CASC3: variants seen among roughly 807,000 people sequenced by gnomAD.
The protein encoded by CASC3 is CASC3 exon junction complex subunit, also known as protein CASC3.
A neutral mutation model predicts 80.5 loss-of-function variants in CASC3; 30 were observed. That is an observed-to-expected ratio of 0.37 (90% CI 0.28 to 0.51). The LOEUF is 0.51. Among genes scored for constraint, CASC3 ranks in the 20% least tolerant of loss-of-function variants. CASC3 has a pLI of 0.94. For missense variants in CASC3, 824 were observed against 922.2 expected (o/e 0.89, Z 1.38); for synonymous variants, 312 against 333.6 (o/e 0.94, Z 0.70).
At chr17:40,157,683 A>G (rs1380842842) in intron 3 of CASC3, among the ~76,000 whole-genome samples, 3 of 152,138 alleles carry the variant, frequency 2.0e-5, no homozygotes, top group Non-Finnish European at 4.4e-5. Flanking sequence ...TCCAAAATAA[A>G]TAAATAATAA....
intron 3 of CASC3, among the ~76,000 whole-genome samples, chr17:40,142,182 A>G (rs1988735103): frequency 6.6e-6 from 1 of 152,210 alleles, no homozygotes. Context: ...TGGATGGTGG[A>G]TCAAAGATTT....
rs1439029399 is a variant in CASC3, at chr17:40,161,817, A to G, written c.362A>G (p.Asp121Gly). 6.2e-7 allele frequency: 1 copy of G among 1,614,134 alleles called. No individual in the cohort carries two copies. The highest frequency in any genetic ancestry group is 8.5e-7 in the Non-Finnish European group (1 of 1,179,984). The change falls in exon 4 of 14, where the codon GAT becomes GGT. Residue 121 changes from aspartate to glycine, a missense_variant. Coordinates refer to ENST00000264645, the MANE Select transcript of CASC3 (RefSeq NM_007359.5). ...SKVELKSEAN[D>G]AVNSSTKEEK... ...GTGGAGCTGAAATCAGAAGCTAATG[A>G]TGCTGTTAATTCTTCAACAAAAGAA...
chr17:40,154,341 A>G lies in CASC3; in HGVS notation c.298-7412A>G, dbSNP rs189108064. Among the ~76,000 whole-genome samples the G allele has an allele frequency of 3.5e-3, 537 of 151,912 alleles. 2 individuals are homozygous for G. The highest frequency in any genetic ancestry group is 0.012 in the African/African-American group (509 of 41,454). On this transcript the variant is annotated intron_variant, in intron 3 of 13. Coordinates refer to ENST00000264645, the MANE Select transcript of CASC3 (RefSeq NM_007359.5). ...GTTGAGACTATAGGCATCAGCCACC[A>G]CACTTGATCTTTGCCCAAAGTAGCT...
At position 40,163,645 on chromosome 17, in the gene CASC3, G is replaced by C. The variant is rs774789844; in HGVS notation, c.950G>C (p.Gly317Ala). The change falls in exon 7 of 14, where the codon GGG (glycine) becomes GCG (alanine). Residue 317 changes from glycine to alanine, a missense_variant. Coordinates refer to ENST00000264645, the MANE Select transcript of CASC3 (RefSeq NM_007359.5). The stretch of plus-strand genomic sequence containing the variant: ...GCACCCAGGAATTATTCTCGATCTG[G>C]GGGCTTCAAGGAAGGTCGTGCTGGT... ...MSAPRNYSRSGGFKEGRAGFR... is the reference protein window; with the variant it reads ...MSAPRNYSRSAGFKEGRAGFR... 1.9e-6 allele frequency: 3 copies of C among 1,614,146 alleles called. No homozygotes were observed. Among genetic ancestry groups the C allele is most frequent in the Non-Finnish European group, 2.5e-6 (3 of 1,180,012 alleles).
chr17:40,145,769 T>C (rs1443945500), intron 3 of CASC3, among the ~76,000 whole-genome samples: 1 of 152,068 alleles, frequency 6.6e-6, no homozygotes, highest in East Asian at 1.9e-4. Flanking sequence ...TTTTTAAAAA[T>C]TTTTATTTAC....
chr17:40,141,880 C>G (rs1598417951), intron 3 of CASC3, among the ~76,000 whole-genome samples: 1 of 152,162 alleles, frequency 6.6e-6, no homozygotes, highest in South Asian at 2.1e-4. Context: ...GTGAGGATAT[C>G]TTGAAGTCCT....
Position 40,168,388 on chromosome 17 carries a change from C to A in CASC3, c.1936C>A (p.Pro646Thr). ...PYAPGALPPP[P>T]PPHLYPNTQA... ...TGCTCCAGGGGCACTGCCTCCCCCA[C>A]CACCGCCTCATCTGTATCCTAATAC... The change falls in exon 11 of 14, where the codon CCA becomes ACA. Residue 646 changes from proline to threonine, a missense_variant. This residue lies in a region of CASC3 where 464 missense variants were observed against 506.0 expected (regional missense o/e 0.92). Coordinates refer to ENST00000264645, the MANE Select transcript of CASC3 (RefSeq NM_007359.5). 1 of 1,614,078 alleles carries A rather than the reference C, an allele frequency of 6.2e-7. No individual in the cohort carries two copies. The highest frequency in any genetic ancestry group is 8.5e-7 in the Non-Finnish European group (1 of 1,179,990).
chr17:40,154,674 C>A (rs1989101698), intron 3 of CASC3, among the ~76,000 whole-genome samples: 1 of 152,054 alleles, frequency 6.6e-6, no homozygotes, highest in Non-Finnish European at 1.5e-5. Context: ...CTTTCAAGGA[C>A]AAAGGTTTTA....
chr17:40,148,425 C>T (rs1319102742), intron 3 of CASC3, among the ~76,000 whole-genome samples: 3 of 151,712 alleles, frequency 2.0e-5, no homozygotes, highest in African/African-American at 7.3e-5. Flanking sequence ...AGTGCAGTGG[C>T]GCAATCTCAG....
chr17:40,145,151 G>A (rs1297014603), intron 3 of CASC3, among the ~76,000 whole-genome samples: 1 of 150,548 alleles, frequency 6.6e-6, no homozygotes, highest in Non-Finnish European at 1.5e-5. Flanking sequence ...ATGAGCCACC[G>A]TGCCCCCCAT....
chr17:40,168,325 C>G lies in CASC3; in HGVS notation c.1873C>G (p.Pro625Ala), dbSNP rs201644180. ...GCTTGCTCCTACTTACTTTTCTGCT[C>G]CAGGCGTCATGAACTTTGGTAATCC... ...QLLAPTYFSA[P>A]GVMNFGNPSY... The change falls in exon 11 of 14, where the codon CCA becomes GCA. Residue 625 changes from proline (P) to alanine (A), a missense_variant. Physicochemically the swap from Pro to Ala is conservative, Grantham distance 27 (BLOSUM62 -1). Coordinates refer to ENST00000264645, the MANE Select transcript of CASC3 (RefSeq NM_007359.5). 14 of 1,614,104 alleles carry G rather than the reference C, an allele frequency of 8.7e-6. No homozygotes were observed. The highest frequency in any genetic ancestry group is 2.2e-5 in the East Asian group (1 of 44,880).
intron 3 of CASC3, among the ~76,000 whole-genome samples, chr17:40,146,596 C>G (rs1441623533): frequency 6.6e-6 from 1 of 151,904 alleles, no homozygotes; most frequent in Non-Finnish European, 1.5e-5. Context: ...GCCACCATGC[C>G]TGGCTGATTT....
intron 3 of CASC3, among the ~76,000 whole-genome samples, chr17:40,155,421 T>C (rs565712777): frequency 6.6e-6 from 1 of 152,282 alleles, no homozygotes; most frequent in Admixed American, 6.5e-5. Flanking sequence ...CACGCTCAGC[T>C]AATTATATTT....
At chr17:40,140,840 G>A in intron 1 of CASC3, 61 bp downstream of exon 1, 1 of 1,094,328 alleles carries the variant, frequency 9.1e-7, no homozygotes, top group Non-Finnish European at 1.3e-6. Context: ...GGGGCGGGGT[G>A]TAGGTGATGC....
At chr17:40,167,238 C>T (rs762745888) in intron 8 of CASC3, 22 of 543,416 alleles carry the variant, frequency 4.0e-5, no homozygotes, top group Non-Finnish European at 3.6e-5. Flanking sequence ...GGATTACAGG[C>T]ATGAGCCACC....
Position 40,164,058 on chromosome 17 carries a change from G to A in CASC3, c.1363G>A (p.Val455Met), listed in dbSNP as rs747696464. 1 of 1,613,956 alleles carries A rather than the reference G, an allele frequency of 6.2e-7. No individual in the cohort carries two copies. The highest frequency in any genetic ancestry group is 8.5e-7 in the Non-Finnish European group (1 of 1,180,032). Reference protein sequence around the residue: ...PTKTGTWEAPVDSSTSGLEQD... With the variant: ...PTKTGTWEAPMDSSTSGLEQD... ...TAAGACTGGGACCTGGGAAGCTCCGGTGGATTCTAGTACAAGTGGACTTGA... is the reference window on the plus strand; with the variant it reads ...TAAGACTGGGACCTGGGAAGCTCCGATGGATTCTAGTACAAGTGGACTTGA... The change falls in exon 7 of 14, where the codon GTG becomes ATG. Residue 455 changes from valine to methionine, a missense_variant. By Grantham distance (21) the Val-to-Met change is conservative. Coordinates refer to ENST00000264645, the MANE Select transcript of CASC3 (RefSeq NM_007359.5).
chr17:40,162,367 ATCT>A, intron 5 of CASC3, among the ~76,000 whole-genome samples: 1 of 152,302 alleles, frequency 6.6e-6, no homozygotes, highest in East Asian at 1.9e-4. Context: ...TCCAGAACTC[ATCT>A]TCTCTTAATT....
intron 3 of CASC3, among the ~76,000 whole-genome samples, chr17:40,159,076 A>G (rs1403253979): frequency 1.3e-5 from 2 of 152,082 alleles, no homozygotes; most frequent in African/African-American, 4.8e-5. Context: ...TCTCTACAAA[A>G]AATACAAAAA....
chr17:40,141,048 C>G, intron 1 of CASC3, 159 bp from the exon 2 acceptor site: 1 of 715,440 alleles, frequency 1.4e-6, no homozygotes, highest in East Asian at 2.6e-5. Context: ...GGAAGGAGAC[C>G]AGACCTGCCT....
Sources: allele counts gnomAD v4.1 joint callset (sites outside exome capture counted in the v4.1 genomes callset), GRCh38; gene constraint gnomAD v4.1.1; regional missense constraint gnomAD v4.1.1; transcripts MANE v1.5; gene names NCBI Gene and HGNC (gene_info 2026-07-23, HGNC 2026-07-21).